Variants in PEX5 observed in about 807,000 individuals in gnomAD.
PEX5 encodes the protein peroxisomal biogenesis factor 5, also known as PTS1 receptor.
A neutral mutation model predicts 82.9 loss-of-function variants in PEX5; 52 were observed. The ratio of observed to expected loss-of-function variants is 0.63; its 90% CI spans 0.50 to 0.79. PEX5 has a LOEUF of 0.79. Ranked by LOEUF, PEX5 falls within the 30% of genes least tolerant of loss-of-function variation. PEX5 has a pLI of 0.00. For missense variants in PEX5, 719 were observed against 815.2 expected (o/e 0.88, Z 1.44); for synonymous variants, 300 against 318.8 (o/e 0.94, Z 0.63).
chr12:7,206,208 A>T (rs752735636), intron 10 of PEX5, among the ~76,000 whole-genome samples: 1 of 152,240 alleles, frequency 6.6e-6, no homozygotes, highest in African/African-American at 2.4e-5. Flanking sequence ...GTTTTTAGTG[A>T]TCCACTAGCT....
In PEX5 at chr12:7,204,676, C is replaced by T. The variant is rs576038744; in HGVS notation, c.966+1125C>T. ...TAACAATTTGATAAGTCACATAGGCCCCATCAACTTATAAATGGAAAGTTG... is the reference window on the plus strand; with the variant it reads ...TAACAATTTGATAAGTCACATAGGCTCCATCAACTTATAAATGGAAAGTTG... On this transcript the variant is annotated intron_variant, in intron 10 of 15. Transcript: ENST00000675855. 2.0e-5 allele frequency among the ~76,000 whole-genome samples: 3 copies of T among 152,084 alleles called. No homozygotes were observed. The South Asian group carries it at 6.2e-4, about 32-fold the overall frequency.
chr12:7,190,960 C>T (rs779902907), intron 3 of PEX5, 37 bp downstream of exon 3: 2 of 1,591,218 alleles, frequency 1.3e-6, no homozygotes, highest in South Asian at 2.2e-5. Flanking sequence ...CCATTTTTCT[C>T]TTGCCCACTG....
Position 7,199,411 on chromosome 12 carries a change from A to C in PEX5, c.551+298A>C, listed in dbSNP as rs4592497. ...ATTAGGGAGTGGTGATGACTCTTAA[A>C]GAGCATGCTGCCTTCAAGCATCTGT... is the stretch of plus-strand genomic sequence containing the variant. On this transcript the variant is annotated intron_variant, in intron 6 of 15. Coordinates refer to ENST00000675855, the MANE Select transcript of PEX5 (RefSeq NM_001351132.2). Among the ~76,000 whole-genome samples the C allele has an allele frequency of 0.73, 103,481 of 142,444 alleles. 38,420 individuals carry two copies. Among genetic ancestry groups the C allele is most frequent in the South Asian group, 0.82 (3,385 of 4,146 alleles). The allele number at this position is 142,444 out of a possible 152,430, so 93.4% of individuals were successfully genotyped here. A position where few individuals can be genotyped will look rare whatever the true frequency, so the allele number is the denominator to read the frequency against.
chr12:7,212,483 A>AC (rs1591817933), downstream of PEX5, among the ~76,000 whole-genome samples: 1 of 59,052 alleles, frequency 1.7e-5, no homozygotes, highest in Non-Finnish European at 4.0e-5. Flanking sequence ...AAAAAAAAAA[A>AC]AAAAACCCAA....
At chr12:7,203,846 T>C (rs1043256590) in intron 10 of PEX5, among the ~76,000 whole-genome samples, 1 of 152,222 alleles carries the variant, frequency 6.6e-6, no homozygotes, top group Non-Finnish European at 1.5e-5. Context: ...GTAGCTCTGC[T>C]TGGAGGTCAG....
downstream of PEX5, among the ~76,000 whole-genome samples, chr12:7,213,590 G>GACTT (rs1565731830): frequency 2.0e-5 from 3 of 149,974 alleles, no homozygotes; most frequent in African/African-American, 7.4e-5. Flanking sequence ...ATGGATTAAA[G>GACTT]ACTTACATGT....
chr12:7,189,870 G>A, intron 1 of PEX5, 120 bp downstream of exon 1: 2 of 1,349,880 alleles, frequency 1.5e-6, no homozygotes, highest in Middle Eastern at 2.4e-4. Context: ...GAGATGGGCG[G>A]TGGGGAGCGC....
In PEX5 at chr12:7,189,874, G is replaced by T. The variant is rs1349809786; in HGVS notation, c.-17+124G>T. The T allele has an allele frequency of 1.2e-5, 16 of 1,358,160 alleles. No homozygotes were observed. In the Admixed American group the frequency reaches 2.5e-4, roughly 21 times the overall value. 84.1% of individuals were successfully genotyped at this position (1,358,160 alleles called of 1,614,324 possible). ...GCAGGGCCGGGGAGATGGGCGGTGG[G>T]GAGCGCGGGAGGGACCGGGCCGAGC... On this transcript the variant is annotated intron_variant, in intron 1 of 15. Coordinates refer to ENST00000675855, the MANE Select transcript of PEX5 (RefSeq NM_001351132.2).
At chr12:7,196,368 TATATA>T (rs1331522046) in intron 5 of PEX5, among the ~76,000 whole-genome samples, 8 of 138,162 alleles carry the variant, frequency 5.8e-5, no homozygotes, top group African/African-American at 1.8e-4. Flanking sequence ...ATATATGACA[TATATA>T]ATGTAATAAT....
In PEX5 at chr12:7,190,015, C is replaced by T. The variant is rs752209838; in HGVS notation, c.-17+265C>T. 3 of 1,504,060 alleles carry T rather than the reference C, an allele frequency of 2.0e-6. No individual in the cohort carries two copies. The African/African-American group carries it at 4.2e-5, about 21-fold the overall frequency. The allele number at this position is 1,504,060 out of a possible 1,614,324, so 93.2% of individuals were successfully genotyped here. On this transcript the variant is annotated intron_variant, in intron 1 of 15. Coordinates refer to ENST00000675855, the MANE Select transcript of PEX5 (RefSeq NM_001351132.2). ...GGCTGTTTTCCCACTGTCCCTTCTT[C>T]GGGCAGTGTCGCCGTCCAGCCTGGT...
downstream of PEX5, among the ~76,000 whole-genome samples, chr12:7,212,487 A>C (rs1202505198): frequency 3.3e-5 from 2 of 60,966 alleles, no homozygotes; most frequent in Non-Finnish European, 7.9e-5. Flanking sequence ...AAAAAAAAAA[A>C]ACCCAAAAAA....
downstream of PEX5, among the ~76,000 whole-genome samples, chr12:7,214,760 A>C (rs1945731595): frequency 6.6e-6 from 1 of 152,054 alleles, no homozygotes; most frequent in African/African-American, 2.4e-5. Flanking sequence ...AAAATTGTGA[A>C]TGTTACATTA....
At chr12:7,200,620 G>A (rs1943718457) in intron 6 of PEX5, among the ~76,000 whole-genome samples, 1 of 152,190 alleles carries the variant, frequency 6.6e-6, no homozygotes, top group Non-Finnish European at 1.5e-5. Context: ...GAGTGAACGA[G>A]ACTCCGTCTG....
chr12:7,209,608 G>GCTGAGTCGGAGTAATGTGCAGAGTTTGAT (rs1945265095), intron 14 of PEX5, 75 bp from the exon 15 acceptor site: 1 of 852,502 alleles, frequency 1.2e-6, no homozygotes, highest in Non-Finnish European at 2.0e-6. Context: ...CAGAGTTTGA[G>GCTGAGTCGGAGTAATGTGCAGAGTTTGAT]CTGAGTCGGT....
At position 7,189,730 on chromosome 12, in the gene PEX5, C is replaced by T. The variant is rs921120861; in HGVS notation, c.-37C>T. 1 of 391,638 alleles carries T rather than the reference C, an allele frequency of 2.6e-6. No individual in the cohort carries two copies. Among genetic ancestry groups the T allele is most frequent in the Non-Finnish European group, 4.4e-6 (1 of 228,044 alleles). The allele number at this position is 391,638 out of a possible 1,614,324, so 24.3% of individuals were successfully genotyped here. On this transcript the variant is annotated 5_prime_UTR_variant, in exon 1 of 16. Transcript: ENST00000675855. ...GCCAGCACCTGGTGCCCCGGCGGGT[C>T]GTGCGGCGCGGCGCTCCGCGGTGAG...
intron 1 of PEX5, 117 bp from the exon 2 acceptor site, chr12:7,190,245 G>A (rs1940741407): frequency 6.3e-7 from 1 of 1,590,902 alleles, no homozygotes; most frequent in Non-Finnish European, 8.5e-7. Context: ...GCACTGGGGT[G>A]GAGGGCGGCC....
At chr12:7,214,847 C>A (rs1945733963), downstream of PEX5, among the ~76,000 whole-genome samples, 2 of 151,814 alleles carry the variant, frequency 1.3e-5, no homozygotes, top group Non-Finnish European at 2.9e-5. Flanking sequence ...AGACTATTAC[C>A]TATTAATATA....
rs183460108 is a variant in PEX5, at chr12:7,210,304, A to C, written c.*81A>C. ...TGATTCCCTCTCCCCAAATGGGCCT[A>C]CCAAGGGGGCGGGCTGATGACCATA... On this transcript the variant is annotated 3_prime_UTR_variant, in exon 16 of 16. Transcript: ENST00000675855. The C allele has an allele frequency of 6.1e-3, 8,310 of 1,370,370 alleles. 34 individuals carry two copies. The highest frequency in any genetic ancestry group is 7.7e-3 in the Non-Finnish European group (7,478 of 965,638). 84.9% of individuals were successfully genotyped at this position (1,370,370 alleles called of 1,614,324 possible).
At position 7,210,177 on chromosome 12, in the gene PEX5, C is replaced by A. The variant is rs773854263; in HGVS notation, c.1874C>A (p.Ala625Glu). ...AGCGATGCCTATGGGGCAGCCGACG[C>A]GCGGGATCTGTCCACCCTCCTAACT... is the stretch of plus-strand genomic sequence containing the variant. Reference protein sequence around the residue: ...GQSDAYGAADARDLSTLLTMF... With the variant: ...GQSDAYGAADERDLSTLLTMF... Residue 625 changes from alanine to glutamate, a missense_variant, in exon 16 of 16, where the codon GCG (alanine) becomes GAG (glutamate). By Grantham distance (107) the Ala-to-Glu change is moderately radical. Transcript: ENST00000675855. 1.8e-5 allele frequency: 29 copies of A among 1,614,210 alleles called. No individual in the cohort carries two copies. In the South Asian group the frequency reaches 3.0e-4, roughly 17 times the overall value.
Sources: allele counts gnomAD v4.1 joint callset (sites outside exome capture counted in the v4.1 genomes callset), GRCh38; gene constraint gnomAD v4.1.1; transcripts MANE v1.5; gene names NCBI Gene and HGNC (gene_info 2026-07-23, HGNC 2026-07-21).